The following CDH11 variants were observed in gnomAD, a reference collection of about 807,000 sequenced individuals.
CDH11 encodes the protein cadherin-11.
A neutral mutation model predicts 67.8 loss-of-function variants in CDH11; 11 were observed. The observed-to-expected ratio is 0.16, with a 90% CI of 0.10 to 0.27. CDH11 has a LOEUF of 0.27. CDH11 is among the 10% of genes least tolerant of loss of function. CDH11 has a pLI of 1.00. For missense variants in CDH11, 847 were observed against 1,031.2 expected, an observed-to-expected ratio of 0.82 and a Z score of 2.45; for synonymous variants, 419 against 400.0, an observed-to-expected ratio of 1.05 and a Z score of -0.57.
chr16:64,992,521 G>T (rs2072654685), intron 5 of CDH11, among the ~76,000 whole-genome samples: 2 of 152,194 alleles, frequency 1.3e-5, no homozygotes, highest in South Asian at 4.1e-4. Context: ...GCTGGATATT[G>T]GCACATGAGT....
At chr16:65,036,436 C>A (rs1180403769) in intron 2 of CDH11, among the ~76,000 whole-genome samples, 1 of 152,066 alleles carries the variant, frequency 6.6e-6, no homozygotes, top group Non-Finnish European at 1.5e-5. Flanking sequence ...GTTCCTCTTC[C>A]ACAGAGACTG....
intron 2 of CDH11, among the ~76,000 whole-genome samples, chr16:65,050,318 G>A (rs2074033398): frequency 6.6e-6 from 1 of 152,160 alleles, no homozygotes; most frequent in African/African-American, 2.4e-5. Flanking sequence ...CCGATCCTGT[G>A]AGCCCATGCC....
Position 64,947,158 on chromosome 16 carries a change from G to C in CDH11, c.*445C>G. The C allele has an allele frequency of 9.5e-6, 10 of 1,047,474 alleles. No individual in the cohort carries two copies. The highest frequency in any genetic ancestry group is 1.2e-5 in the Non-Finnish European group (10 of 866,294). The allele number at this position is 1,047,474 out of a possible 1,614,324, so 64.9% of individuals were successfully genotyped here. On this transcript the variant is annotated 3_prime_UTR_variant, in exon 13 of 13. Transcript: ENST00000268603. ...GCTGGCTGAATATTATATATTTCAAGTTTAAAAATGCACTACATATAGAGT... is the reference window on the plus strand; with the variant it reads ...GCTGGCTGAATATTATATATTTCAACTTTAAAAATGCACTACATATAGAGT...
intron 1 of CDH11, among the ~76,000 whole-genome samples, chr16:65,097,665 G>C (rs1318903726): frequency 6.6e-6 from 1 of 151,968 alleles, no homozygotes; most frequent in East Asian, 1.9e-4. Flanking sequence ...AAAATGTTAA[G>C]TATAACATAC....
At chr16:65,033,316 T>C (rs116696557) in intron 2 of CDH11, among the ~76,000 whole-genome samples, 1,898 of 152,094 alleles carry the variant, frequency 0.012, 38 homozygotes, top group African/African-American at 0.043. Flanking sequence ...AATGGAGTTG[T>C]GCATATGCAA....
intron 2 of CDH11, among the ~76,000 whole-genome samples, chr16:65,043,176 T>C (rs1189741921): frequency 6.6e-6 from 1 of 152,200 alleles, no homozygotes; most frequent in Non-Finnish European, 1.5e-5. Context: ...TGGTACCTAG[T>C]ACAGTGTTTA....
chr16:64,971,771 C>T, intron 10 of CDH11, 75 bp from the exon 11 acceptor site: 2 of 1,407,572 alleles, frequency 1.4e-6, no homozygotes, highest in East Asian at 4.6e-5. Context: ...TTCTGGCTGG[C>T]TAGAAAGCCT....
intron 12 of CDH11, among the ~76,000 whole-genome samples, chr16:64,949,189 G>A (rs2142366781): frequency 1.3e-5 from 2 of 152,090 alleles, no homozygotes; most frequent in Middle Eastern, 6.8e-3. Flanking sequence ...CCTTTTTCAT[G>A]CACCAGCCTG....
chr16:65,120,814 AG>A (rs527251400), intron 1 of CDH11, among the ~76,000 whole-genome samples: 135 of 152,228 alleles, frequency 8.9e-4, no homozygotes, highest in South Asian at 1.2e-3. Flanking sequence ...AAAACGGACA[AG>A]GAAGCCGGAC....
intron 2 of CDH11, among the ~76,000 whole-genome samples, chr16:65,046,393 G>A (rs941108243): frequency 4.6e-5 from 7 of 152,304 alleles, no homozygotes; most frequent in African/African-American, 1.7e-4. Context: ...AAGATCAAGT[G>A]GCCCAAAGAG....
chr16:64,947,116 A>C lies in CDH11; in HGVS notation c.*487T>G. ...CATAATTGTACATTGTATTGTACATACATTGTATGGGTTTAAGCTGGCTGA... is the reference window on the plus strand; with the variant it reads ...CATAATTGTACATTGTATTGTACATCCATTGTATGGGTTTAAGCTGGCTGA... On this transcript the variant is annotated 3_prime_UTR_variant, in exon 13 of 13. Coordinates refer to ENST00000268603, the MANE Select transcript of CDH11 (RefSeq NM_001797.4). The C allele has an allele frequency of 2.9e-6, 3 of 1,035,496 alleles. No individual in the cohort carries two copies. The highest frequency in any genetic ancestry group is 2.3e-6 in the Non-Finnish European group (2 of 857,888). 64.1% of individuals were successfully genotyped at this position (1,035,496 alleles called of 1,614,324 possible).
intron 2 of CDH11, among the ~76,000 whole-genome samples, chr16:65,032,032 T>C (rs1052305293): frequency 9.2e-5 from 14 of 152,224 alleles, no homozygotes; most frequent in African/African-American, 3.1e-4. Context: ...GGAAAAATAA[T>C]TCTGTCCCAT....
intron 11 of CDH11, among the ~76,000 whole-genome samples, chr16:64,956,700 A>T (rs558075054): frequency 6.6e-6 from 1 of 152,340 alleles, no homozygotes; most frequent in Admixed American, 6.5e-5. Context: ...ATGGAAAAAC[A>T]AATTCAGGCT....
chr16:65,097,298 G>T (rs750738554), intron 1 of CDH11, among the ~76,000 whole-genome samples: 3 of 152,210 alleles, frequency 2.0e-5, no homozygotes, highest in Non-Finnish European at 4.4e-5. Flanking sequence ...ATTAGCTTCT[G>T]TTAGCCTCGA....
intron 1 of CDH11, among the ~76,000 whole-genome samples, chr16:65,089,805 G>T (rs976323288): frequency 1.4e-4 from 22 of 152,112 alleles, no homozygotes; most frequent in African/African-American, 5.1e-4. Context: ...CTAAATACGA[G>T]TTATTTTAAA....
chr16:64,972,763 C>T (rs903332980), intron 9 of CDH11, 141 bp downstream of exon 9: 32 of 784,104 alleles, frequency 4.1e-5, no homozygotes, highest in African/African-American at 1.2e-4. Flanking sequence ...GAAAGATAAC[C>T]GAAAACACAT....
intron 2 of CDH11, among the ~76,000 whole-genome samples, chr16:65,025,761 A>T (rs2142595665): frequency 6.6e-6 from 1 of 152,296 alleles, no homozygotes; most frequent in Non-Finnish European, 1.5e-5. Flanking sequence ...TATGGATATA[A>T]AATCTGCCAG....
At chr16:65,059,096 A>AT (rs527803929) in intron 1 of CDH11, among the ~76,000 whole-genome samples, 2 of 151,728 alleles carry the variant, frequency 1.3e-5, no homozygotes, top group African/African-American at 2.4e-5. Context: ...ATTTTGCAAA[A>AT]TTTTTTTTTC....
At chr16:65,065,332 T>C (rs2074296312) in intron 1 of CDH11, among the ~76,000 whole-genome samples, 1 of 152,136 alleles carries the variant, frequency 6.6e-6, no homozygotes, top group Admixed American at 6.5e-5. Flanking sequence ...CAAAGGTGCA[T>C]ACAGTACAAA....
Sources: allele counts gnomAD v4.1 joint callset (sites outside exome capture counted in the v4.1 genomes callset), GRCh38; gene constraint gnomAD v4.1.1; transcripts MANE v1.5; gene names NCBI Gene and HGNC (gene_info 2026-07-23, HGNC 2026-07-21).